The following CREB5 variants were observed in gnomAD, a reference collection of about 807,000 sequenced individuals.
CREB5 encodes the protein cyclic AMP-responsive element-binding protein 5.
CREB5 carries 19 observed loss-of-function variants against 57.1 expected under a neutral mutation model. The ratio of observed to expected loss-of-function variants is 0.33; its 90% CI spans 0.23 to 0.49. The LOEUF is 0.49. Ranked by LOEUF, CREB5 falls within the 20% of genes least tolerant of loss-of-function variation. The pLI, the probability that CREB5 is intolerant of heterozygous loss-of-function variation, is 0.99. For missense variants in CREB5, 579 were observed against 671.6 expected (o/e 0.86, Z 1.52); for synonymous variants, 238 against 238.3 (o/e 1.00, Z 0.01).
intron 7 of CREB5, among the ~76,000 whole-genome samples, chr7:28,733,866 C>G (rs1170790187): frequency 2.0e-5 from 3 of 152,160 alleles, no homozygotes; most frequent in Non-Finnish European, 4.4e-5. Flanking sequence ...TATGTCATCC[C>G]ACACTGTGAG....
At chr7:28,346,946 G>A (rs1786069955) in intron 1 of CREB5, among the ~76,000 whole-genome samples, 1 of 152,178 alleles carries the variant, frequency 6.6e-6, no homozygotes, top group African/African-American at 2.4e-5. Context: ...AAGTACCACT[G>A]GGTTGGCCTT....
chr7:28,567,100 T>C (rs1296968911), intron 4 of CREB5, among the ~76,000 whole-genome samples: 1 of 152,196 alleles, frequency 6.6e-6, no homozygotes, highest in Non-Finnish European at 1.5e-5. Flanking sequence ...ATGTAAACAA[T>C]GGTGGTTGTC....
chr7:28,783,337 G>C (rs972361509), intron 7 of CREB5, among the ~76,000 whole-genome samples: 1 of 152,038 alleles, frequency 6.6e-6, no homozygotes, highest in Non-Finnish European at 1.5e-5. Context: ...TCTTATATTA[G>C]ATTCATTTCT....
intron 4 of CREB5, among the ~76,000 whole-genome samples, chr7:28,560,847 CGT>C (rs1284367626): frequency 0.02 from 843 of 42,346 alleles, 157 homozygotes; most frequent in African/African-American, 0.054. Context: ...TGTGTGTGCG[CGT>C]GTGTGTGTGC....
chr7:28,808,591 T>C (rs1369109039), intron 8 of CREB5, among the ~76,000 whole-genome samples: 2 of 152,070 alleles, frequency 1.3e-5, no homozygotes, highest in East Asian at 3.8e-4. Context: ...CAGGCTGGAG[T>C]GCAGTGGCAC....
At chr7:28,547,984 A>G (rs1794482751) in intron 4 of CREB5, among the ~76,000 whole-genome samples, 2 of 152,204 alleles carry the variant, frequency 1.3e-5, no homozygotes, top group African/African-American at 4.8e-5. Context: ...GGAGTTAAGA[A>G]TAGAACTTGG....
chr7:28,735,551 G>A (rs1370686931), intron 7 of CREB5, among the ~76,000 whole-genome samples: 1 of 152,160 alleles, frequency 6.6e-6, no homozygotes, highest in Non-Finnish European at 1.5e-5. Flanking sequence ...AAGCAAGAAA[G>A]TTAAACAGAA....
At chr7:28,699,999 A>G (rs1302736442) in intron 5 of CREB5, among the ~76,000 whole-genome samples, 2 of 152,196 alleles carry the variant, frequency 1.3e-5, no homozygotes, top group Admixed American at 6.5e-5. Context: ...ATAGTTCCCA[A>G]TTTGGTGTAT....
intron 2 of CREB5, 48 bp downstream of exon 2, chr7:28,488,294 G>C: frequency 1.9e-6 from 3 of 1,559,222 alleles, no homozygotes; most frequent in South Asian, 1.1e-5. Flanking sequence ...CCTGCTTTCC[G>C]AAAGGGAAGC....
intron 1 of CREB5, among the ~76,000 whole-genome samples, chr7:28,371,771 G>A (rs183425930): frequency 3.3e-5 from 5 of 152,278 alleles, no homozygotes; most frequent in South Asian, 4.1e-4. Context: ...CTAAGACGCC[G>A]TTGCTTATGC....
At chr7:28,656,823 T>C (rs990758522) in intron 5 of CREB5, among the ~76,000 whole-genome samples, 2 of 151,878 alleles carry the variant, frequency 1.3e-5, no homozygotes, top group African/African-American at 4.9e-5. Context: ...AACCAATTTT[T>C]TGACCTTGTG....
intron 8 of CREB5, among the ~76,000 whole-genome samples, chr7:28,807,445 T>C (rs1375133831): frequency 6.6e-6 from 1 of 152,060 alleles, no homozygotes; most frequent in Non-Finnish European, 1.5e-5. Flanking sequence ...AGAGACTCCG[T>C]CTCAAGAAAA....
chr7:28,596,112 C>G (rs1796683937), intron 5 of CREB5, among the ~76,000 whole-genome samples: 1 of 152,200 alleles, frequency 6.6e-6, no homozygotes, highest in Non-Finnish European at 1.5e-5. Context: ...CCAGGTGACT[C>G]TCCTCAGTGA....
At chr7:28,468,560 G>C (rs1268828782) in intron 1 of CREB5, among the ~76,000 whole-genome samples, 3 of 152,184 alleles carry the variant, frequency 2.0e-5, no homozygotes, top group Non-Finnish European at 4.4e-5. Context: ...GGGGAAGGAG[G>C]TGCTAAGAAT....
At chr7:28,570,322 C>T (rs1795644818) in intron 4 of CREB5, 43 bp from the exon 5 acceptor site, 1 of 1,567,114 alleles carries the variant, frequency 6.4e-7, no homozygotes, top group Non-Finnish European at 8.7e-7. Context: ...AGAATAAAAA[C>T]ATTGACTCCT....
chr7:28,465,593 CT>C (rs1302228015), intron 1 of CREB5, among the ~76,000 whole-genome samples: 2 of 152,152 alleles, frequency 1.3e-5, no homozygotes, highest in Non-Finnish European at 2.9e-5. Flanking sequence ...CCTAGCTCTG[CT>C]TTTACTGATA....
chr7:28,399,289 A>T (rs1441669669), intron 1 of CREB5, among the ~76,000 whole-genome samples: 1 of 152,150 alleles, frequency 6.6e-6, no homozygotes, highest in Non-Finnish European at 1.5e-5. Context: ...GGAAAAAAAA[A>T]AATCTACAAA....
rs530460846 is a variant in CREB5, at chr7:28,450,389, C to T, written c.3+37472C>T. Among the ~76,000 whole-genome samples the T allele has an allele frequency of 4.6e-5, 7 of 152,284 alleles. No homozygotes were observed. In the East Asian group the frequency reaches 5.8e-4, roughly 13 times the overall value. The stretch of plus-strand genomic sequence containing the variant: ...CTCAAAAATTATCCCAGTTCTAAAG[C>T]GTGATACCTGCTGTTCTAAACTGCC... On this transcript the variant is annotated intron_variant, in intron 1 of 10. Coordinates refer to ENST00000357727, the MANE Select transcript of CREB5 (RefSeq NM_182898.4).
chr7:28,766,064 AG>A (rs1447175785), intron 7 of CREB5, among the ~76,000 whole-genome samples: 1 of 145,148 alleles, frequency 6.9e-6, no homozygotes, highest in Non-Finnish European at 1.5e-5. Flanking sequence ...AGTGTAAAAC[AG>A]AAGTCCTAAT....
Sources: allele counts gnomAD v4.1 joint callset (sites outside exome capture counted in the v4.1 genomes callset), GRCh38; gene constraint gnomAD v4.1.1; transcripts MANE v1.5; gene names NCBI Gene and HGNC (gene_info 2026-07-23, HGNC 2026-07-21).